DLG2: variants seen among roughly 807,000 people sequenced by gnomAD.
DLG2 encodes the protein disks large homolog 2.
In DLG2, 45 loss-of-function variants were observed where a neutral mutation model predicts 132.5. The ratio of observed to expected loss-of-function variants is 0.34; its 90% confidence interval spans 0.27 to 0.44. DLG2 has a LOEUF of 0.44. DLG2 is among the 20% of genes least tolerant of loss of function. DLG2 has a pLI of 1.00. For synonymous variants in DLG2, 424 were observed against 419.6 expected (o/e 1.01, Z -0.13); for missense variants, 1,045 against 1,196.9 (o/e 0.87, Z 1.87).
intron 4 of DLG2, among the ~76,000 whole-genome samples, chr11:85,234,481 C>T (rs117453129): frequency 2.5e-4 from 38 of 151,902 alleles, no homozygotes; most frequent in African/African-American, 7.7e-4. Context: ...GGAACTGCTA[C>T]GTCAAATAGT....
chr11:84,722,700 A>G (rs1006898423), intron 6 of DLG2, among the ~76,000 whole-genome samples: 3 of 152,176 alleles, frequency 2.0e-5, no homozygotes, highest in African/African-American at 7.2e-5. Flanking sequence ...ATCTGAAGGA[A>G]ACTCAATATG....
intron 3 of DLG2, among the ~76,000 whole-genome samples, chr11:85,573,536 G>A (rs958966379): frequency 6.6e-6 from 1 of 152,118 alleles, no homozygotes; most frequent in African/African-American, 2.4e-5. Context: ...AGCCACTGGT[G>A]ACAGCCAAGT....
chr11:85,254,654 A>G lies in DLG2; in HGVS notation c.186+30566T>C, dbSNP rs545809345. ...TACATGATTTCATGGGAATCCTGGTATAGTTTATAACTGAGGAAATTCATT... is the reference window on the plus strand; with the variant it reads ...TACATGATTTCATGGGAATCCTGGTGTAGTTTATAACTGAGGAAATTCATT... On this transcript the variant is annotated intron_variant, in intron 4 of 27. Transcript: ENST00000376104. 9.5e-4 allele frequency among the ~76,000 whole-genome samples: 145 copies of G among 152,348 alleles called. 1 individual carries two copies. The highest frequency in any genetic ancestry group is 1.7e-3 in the Non-Finnish European group (114 of 68,024).
intron 6 of DLG2, among the ~76,000 whole-genome samples, chr11:84,816,639 T>C (rs935243814): frequency 6.6e-6 from 1 of 151,934 alleles, no homozygotes; most frequent in Non-Finnish European, 1.5e-5. Context: ...AAAGCTGTTA[T>C]TACCCTCACT....
intron 9 of DLG2, among the ~76,000 whole-genome samples, chr11:84,132,222 C>T (rs1178966677): frequency 2.0e-5 from 3 of 151,784 alleles, no homozygotes; most frequent in African/African-American, 4.8e-5. Flanking sequence ...ATATGCCCAG[C>T]CTATTCTAAG....
intron 6 of DLG2, among the ~76,000 whole-genome samples, chr11:84,559,606 G>C (rs2099419240): frequency 6.6e-6 from 1 of 152,036 alleles, no homozygotes; most frequent in African/African-American, 2.4e-5. Context: ...AGAGCTACGA[G>C]AATCTCAGAG....
At chr11:84,176,884 CTTTT>C (rs1566823526) in intron 8 of DLG2, among the ~76,000 whole-genome samples, 3 of 151,840 alleles carry the variant, frequency 2.0e-5, no homozygotes, top group Admixed American at 2.0e-4. Flanking sequence ...CTTTTCTTTT[CTTTT>C]CTTTCCTTTC....
intron 19 of DLG2, among the ~76,000 whole-genome samples, chr11:83,602,969 A>G (rs2058778172): frequency 6.6e-6 from 1 of 152,054 alleles, no homozygotes; most frequent in African/African-American, 2.4e-5. Flanking sequence ...CACTCAGTCT[A>G]GGCCTATGCT....
chr11:84,687,650 G>A (rs1193778382), intron 6 of DLG2, among the ~76,000 whole-genome samples: 1 of 151,978 alleles, frequency 6.6e-6, no homozygotes, highest in Non-Finnish European at 1.5e-5. Flanking sequence ...AATGTACAAG[G>A]TCACCCTGCA....
In DLG2 at chr11:85,401,560, C is replaced by T. The variant is rs1029409761; in HGVS notation, c.41-116195G>A. ...GAGGAAGTCAAATTGTCTCTGTTTG[C>T]AGATGACATGATTGTATATTTAGAA... On this transcript the variant is annotated intron_variant, in intron 3 of 27. Transcript: ENST00000376104. 2.0e-5 allele frequency among the ~76,000 whole-genome samples: 3 copies of T among 152,166 alleles called. No individual in the cohort carries two copies. In the East Asian group the frequency reaches 5.8e-4, roughly 29 times the overall value.
intron 7 of DLG2, among the ~76,000 whole-genome samples, chr11:84,483,559 T>TA (rs1440553643): frequency 2.0e-5 from 3 of 151,750 alleles, no homozygotes; most frequent in African/African-American, 2.4e-5. Context: ...ATTAATAGCA[T>TA]AAAAAACCAC....
chr11:84,810,562 A>T (rs1272275697), intron 6 of DLG2, among the ~76,000 whole-genome samples: 1 of 152,196 alleles, frequency 6.6e-6, no homozygotes, highest in African/African-American at 2.4e-5. Context: ...CCACTCTTGA[A>T]AACAGTGTGG....
intron 6 of DLG2, among the ~76,000 whole-genome samples, chr11:84,694,438 GCATTTC>G (rs1238357225): frequency 6.6e-6 from 1 of 151,470 alleles, no homozygotes; most frequent in Non-Finnish European, 1.5e-5. Flanking sequence ...TATTTCCTAA[GCATTTC>G]CACCTTATCC....
intron 6 of DLG2, among the ~76,000 whole-genome samples, chr11:85,071,093 T>C (rs2065798667): frequency 6.6e-6 from 1 of 151,870 alleles, no homozygotes; most frequent in Admixed American, 6.6e-5. Context: ...GTTTAACACA[T>C]AGAGTTGTTG....
At chr11:84,757,487 C>T (rs1344639298) in intron 6 of DLG2, among the ~76,000 whole-genome samples, 1 of 151,948 alleles carries the variant, frequency 6.6e-6, no homozygotes, top group African/African-American at 2.4e-5. Flanking sequence ...TCGCTTAAGC[C>T]CTGGTATTCT....
At chr11:85,504,601 T>C (rs1466337639) in intron 3 of DLG2, among the ~76,000 whole-genome samples, 2 of 152,148 alleles carry the variant, frequency 1.3e-5, no homozygotes, top group Non-Finnish European at 2.9e-5. Flanking sequence ...TACCATGCTG[T>C]TTTGGTTACT....
At chr11:85,607,041 T>C (rs1225017850) in intron 2 of DLG2, among the ~76,000 whole-genome samples, 2 of 152,178 alleles carry the variant, frequency 1.3e-5, no homozygotes, top group East Asian at 1.9e-4. Flanking sequence ...TTGGCGACCA[T>C]GAAGGGACCA....
At chr11:84,784,910 A>G (rs997860117) in intron 6 of DLG2, among the ~76,000 whole-genome samples, 1 of 152,128 alleles carries the variant, frequency 6.6e-6, no homozygotes, top group Non-Finnish European at 1.5e-5. Flanking sequence ...TTAATAATAC[A>G]TTGTATTTTT....
intron 7 of DLG2, among the ~76,000 whole-genome samples, chr11:84,359,372 CT>C (rs2098636674): frequency 6.6e-6 from 1 of 151,842 alleles, no homozygotes; most frequent in Non-Finnish European, 1.5e-5. Flanking sequence ...CGAATTAACT[CT>C]TTTGGTTCAC....
Sources: gnomAD v4.1 joint callset for allele counts (sites outside exome capture counted in the v4.1 genomes callset) on GRCh38, gnomAD v4.1.1 for gene constraint, MANE v1.5 for transcripts, NCBI Gene and HGNC (gene_info 2026-07-23, HGNC 2026-07-21) for gene names.